PDZRN4: variants seen among roughly 807,000 people sequenced by gnomAD.
PDZRN4 encodes the protein PDZ domain-containing RING finger protein 4.
In PDZRN4, 70 loss-of-function variants were observed where a neutral mutation model predicts 99.0. The ratio of observed to expected loss-of-function variants is 0.71; its 90% CI spans 0.58 to 0.86. The LOEUF is 0.86. PDZRN4 is among the 40% of genes least tolerant of loss of function. The pLI, the probability that PDZRN4 is intolerant of heterozygous loss-of-function variation, is 0.00. For missense variants in PDZRN4, 1,474 were observed against 1,331.2 expected, an observed-to-expected ratio of 1.11 and a Z score of -1.67; for synonymous variants, 551 against 501.6, an observed-to-expected ratio of 1.10 and a Z score of -1.32.
chr12:41,396,433 G>A (rs983685451), intron 3 of PDZRN4, among the ~76,000 whole-genome samples: 7 of 152,034 alleles, frequency 4.6e-5, no homozygotes, highest in African/African-American at 1.4e-4. Flanking sequence ...TATTGTTATG[G>A]CAGCACACAA....
chr12:41,542,478 C>T (rs1434720227), intron 5 of PDZRN4, among the ~76,000 whole-genome samples: 1 of 152,208 alleles, frequency 6.6e-6, no homozygotes, highest in Non-Finnish European at 1.5e-5. Context: ...AGCTCTCCAC[C>T]TTGTTCCTGC....
rs529237510 is a variant in PDZRN4 at position 41,573,993 on chromosome 12, A to G, written c.*103A>G. 1.4e-3 allele frequency: 1,108 copies of G among 780,690 alleles called. 4 individuals carry two copies. Among genetic ancestry groups the G allele is most frequent in the Non-Finnish European group, 1.9e-3 (984 of 525,358 alleles). The allele number at this position is 780,690 out of a possible 1,614,324, so 48.4% of individuals were successfully genotyped here. ...GTGGCGTTTTTATATATATTTTGTG[A>G]CTCTTTATAGTTTAAATTTTTTGTA... On this transcript the variant is annotated 3_prime_UTR_variant, in exon 10 of 10. Coordinates refer to ENST00000402685, the MANE Select transcript of PDZRN4 (RefSeq NM_001164595.2).
intron 3 of PDZRN4, among the ~76,000 whole-genome samples, chr12:41,497,089 G>A (rs2120647156): frequency 6.6e-6 from 1 of 152,228 alleles, no homozygotes; most frequent in Middle Eastern, 3.4e-3. Context: ...GCTAGTGCTA[G>A]TGTGGCTAAG....
intron 5 of PDZRN4, among the ~76,000 whole-genome samples, chr12:41,512,316 C>A (rs755139567): frequency 2.0e-5 from 3 of 152,126 alleles, no homozygotes; most frequent in Admixed American, 1.3e-4. Flanking sequence ...AAGACATATT[C>A]TTTTCAATGG....
chr12:41,308,285 C>T (rs963873538), intron 3 of PDZRN4, among the ~76,000 whole-genome samples: 7 of 152,102 alleles, frequency 4.6e-5, no homozygotes, highest in Non-Finnish European at 8.8e-5. Context: ...TCACTAGGTA[C>T]AAGACCCAGC....
chr12:41,229,843 ACT>A (rs1187236870), intron 3 of PDZRN4, among the ~76,000 whole-genome samples: 1 of 151,512 alleles, frequency 6.6e-6, no homozygotes, highest in Non-Finnish European at 1.5e-5. Flanking sequence ...CTAGGAAGAG[ACT>A]CTCTTTTGCC....
intron 3 of PDZRN4, among the ~76,000 whole-genome samples, chr12:41,284,139 C>T (rs1003698978): frequency 3.3e-5 from 5 of 152,198 alleles, no homozygotes; most frequent in African/African-American, 1.2e-4. Flanking sequence ...ACTCCTTAAG[C>T]TGATAAGCAA....
At chr12:41,296,018 A>G (rs1244706489) in intron 3 of PDZRN4, among the ~76,000 whole-genome samples, 1 of 152,142 alleles carries the variant, frequency 6.6e-6, no homozygotes, top group East Asian at 1.9e-4. Context: ...TTGTGCCATA[A>G]TTGAAAAGGA....
intron 3 of PDZRN4, among the ~76,000 whole-genome samples, chr12:41,424,976 G>A (rs1050780986): frequency 2.6e-5 from 4 of 151,958 alleles, no homozygotes; most frequent in African/African-American, 9.7e-5. Context: ...TCTGGGGCTG[G>A]GAAAAGAAAA....
At chr12:41,405,429 T>C (rs1262809867) in intron 3 of PDZRN4, among the ~76,000 whole-genome samples, 1 of 152,096 alleles carries the variant, frequency 6.6e-6, no homozygotes, top group East Asian at 1.9e-4. Flanking sequence ...ATGGTTATTA[T>C]TAAAAAGTCA....
intron 3 of PDZRN4, among the ~76,000 whole-genome samples, chr12:41,428,152 C>G (rs1196741089): frequency 3.9e-5 from 6 of 152,172 alleles, no homozygotes; most frequent in African/African-American, 1.4e-4. Flanking sequence ...TACCTGCCTA[C>G]TTTTTTTGAT....
At chr12:41,469,025 T>C (rs1416969742) in intron 3 of PDZRN4, among the ~76,000 whole-genome samples, 1 of 151,388 alleles carries the variant, frequency 6.6e-6, no homozygotes, top group Non-Finnish European at 1.5e-5. Flanking sequence ...AAAAAAAAAA[T>C]TGTTACTCAA....
chr12:41,417,302 A>G (rs1159248443), intron 3 of PDZRN4, among the ~76,000 whole-genome samples: 1 of 152,212 alleles, frequency 6.6e-6, no homozygotes, highest in African/African-American at 2.4e-5. Context: ...TTTATAGGCA[A>G]TGCCATCTTT....
rs534526921 is a variant in PDZRN4 at position 41,392,645 on chromosome 12, C to T, written c.844-113811C>T. The stretch of plus-strand genomic sequence containing the variant: ...TGCCAGAAGTTATTAATAAAGTGAG[C>T]TATCACCTATTGAATCCTATTGGAA... On this transcript the variant is annotated intron_variant, in intron 3 of 9. Transcript: ENST00000402685. 4.6e-5 allele frequency among the ~76,000 whole-genome samples: 7 copies of T among 152,262 alleles called. No homozygotes were observed. The East Asian group carries it at 1.4e-3, about 29-fold the overall frequency.
intron 3 of PDZRN4, among the ~76,000 whole-genome samples, chr12:41,447,760 T>C (rs1373637021): frequency 6.6e-6 from 1 of 152,048 alleles, no homozygotes; most frequent in Non-Finnish European, 1.5e-5. Flanking sequence ...CAAACCAGGG[T>C]CTGCCTAATG....
chr12:41,471,875 G>C (rs1465339675), intron 3 of PDZRN4, among the ~76,000 whole-genome samples: 2 of 150,800 alleles, frequency 1.3e-5, no homozygotes, highest in Non-Finnish European at 3.0e-5. Context: ...CATACACTAA[G>C]TTTTCTGTTA....
chr12:41,352,424 G>A (rs1951897073), intron 3 of PDZRN4, among the ~76,000 whole-genome samples: 2 of 152,074 alleles, frequency 1.3e-5, no homozygotes, highest in African/African-American at 4.8e-5. Flanking sequence ...GGCAGTTCCT[G>A]TTCTACTCAG....
intron 3 of PDZRN4, among the ~76,000 whole-genome samples, chr12:41,490,824 C>A (rs529576719): frequency 2.2e-4 from 33 of 152,256 alleles, no homozygotes; most frequent in Non-Finnish European, 4.1e-4. Context: ...ATTCTCCCCA[C>A]ACATTTCAAG....
intron 5 of PDZRN4, among the ~76,000 whole-genome samples, chr12:41,519,357 GC>G (rs1313330513): frequency 6.6e-6 from 1 of 152,002 alleles, no homozygotes; most frequent in African/African-American, 2.4e-5. Flanking sequence ...AAACAAACTT[GC>G]TTTCTAGGTA....
Sources: allele counts gnomAD v4.1 joint callset (sites outside exome capture counted in the v4.1 genomes callset), GRCh38; gene constraint gnomAD v4.1.1; transcripts MANE v1.5; gene names NCBI Gene and HGNC (gene_info 2026-07-23, HGNC 2026-07-21).